KIAA1328: variants seen among roughly 807,000 people sequenced by gnomAD.
KIAA1328 encodes KIAA1328, also known as protein hinderin.
KIAA1328 carries 52 observed loss-of-function variants against 68.1 expected under a neutral mutation model. That is an observed-to-expected ratio of 0.76 (90% CI 0.61 to 0.96). The LOEUF is 0.96. Among genes scored for constraint, KIAA1328 ranks in the 40% least tolerant of loss-of-function variants. The probability of loss-of-function intolerance (pLI) is 0.00; values close to 1 mark genes in which losing one functional copy is unlikely to be tolerated. For synonymous variants in KIAA1328, 232 were observed against 239.4 expected, an observed-to-expected ratio of 0.97 and a Z score of 0.28; for missense variants, 641 against 677.6, an observed-to-expected ratio of 0.95 and a Z score of 0.60.
At chr18:37,159,960 A>C (rs1261489400) in intron 7 of KIAA1328, among the ~76,000 whole-genome samples, 1 of 152,138 alleles carries the variant, frequency 6.6e-6, no homozygotes, top group Non-Finnish European at 1.5e-5. Context: ...ATCAGTTTGA[A>C]TCTTATTTCC....
intron 7 of KIAA1328, among the ~76,000 whole-genome samples, chr18:37,100,244 A>G (rs1018362215): frequency 1.3e-5 from 2 of 152,200 alleles, no homozygotes; most frequent in African/African-American, 4.8e-5. Context: ...CAGGAAGCAC[A>G]AGGGGTCAGG....
chr18:37,093,190 A>G (rs529422497), intron 7 of KIAA1328, among the ~76,000 whole-genome samples: 1 of 152,362 alleles, frequency 6.6e-6, no homozygotes, highest in African/African-American at 2.4e-5. Flanking sequence ...GGAAGAAATG[A>G]CTGTTACACT....
chr18:37,214,561 T>C (rs1180052329), intron 9 of KIAA1328, among the ~76,000 whole-genome samples: 2 of 152,214 alleles, frequency 1.3e-5, no homozygotes, highest in African/African-American at 2.4e-5. Context: ...AGCCTTGTAG[T>C]ATAGTTTGAA....
intron 6 of KIAA1328, among the ~76,000 whole-genome samples, chr18:36,981,984 A>G (rs1033091058): frequency 3.3e-5 from 5 of 150,832 alleles, no homozygotes; most frequent in South Asian, 2.1e-4. Flanking sequence ...AGAAGAAAAA[A>G]TGAGTGAGTT....
intron 5 of KIAA1328, among the ~76,000 whole-genome samples, chr18:36,893,957 C>G (rs2048785870): frequency 6.6e-6 from 1 of 152,106 alleles, no homozygotes; most frequent in Non-Finnish European, 1.5e-5. Context: ...ACTAAGACAT[C>G]TTGCATTTTT....
chr18:37,099,347 A>C (rs1030448904), intron 7 of KIAA1328, among the ~76,000 whole-genome samples: 5 of 152,228 alleles, frequency 3.3e-5, no homozygotes, highest in African/African-American at 1.2e-4. Flanking sequence ...GTAGTCATTC[A>C]GGAGCAGGTT....
chr18:37,064,790 G>A (rs2056287517), intron 6 of KIAA1328, among the ~76,000 whole-genome samples: 1 of 152,076 alleles, frequency 6.6e-6, no homozygotes, highest in Admixed American at 6.6e-5. Flanking sequence ...GATGGAGGAA[G>A]GGCTATAAAA....
At chr18:37,077,300 A>AAT (rs1556874743) in intron 7 of KIAA1328, among the ~76,000 whole-genome samples, 1 of 114,042 alleles carries the variant, frequency 8.8e-6, no homozygotes. Context: ...CATGCTAAAA[A>AAT]CTCAATAAAT....
At chr18:37,110,409 T>C (rs2057898370) in intron 7 of KIAA1328, among the ~76,000 whole-genome samples, 1 of 152,200 alleles carries the variant, frequency 6.6e-6, no homozygotes, top group Admixed American at 6.5e-5. Flanking sequence ...TGCCTGTAAA[T>C]AGTGAAGCTA....
At chr18:37,136,959 A>G (rs779748084) in intron 7 of KIAA1328, among the ~76,000 whole-genome samples, 6 of 152,212 alleles carry the variant, frequency 3.9e-5, no homozygotes, top group Non-Finnish European at 8.8e-5. Flanking sequence ...TAGCTTCATC[A>G]TCATCCTCTT....
chr18:36,948,653 G>A (rs531599076), intron 5 of KIAA1328, among the ~76,000 whole-genome samples: 1 of 150,776 alleles, frequency 6.6e-6, no homozygotes, highest in Non-Finnish European at 1.5e-5. Flanking sequence ...GGGTTCAAGC[G>A]ATTCTCCTGC....
At chr18:37,013,342 A>G (rs530052699) in intron 6 of KIAA1328, among the ~76,000 whole-genome samples, 2 of 152,306 alleles carry the variant, frequency 1.3e-5, no homozygotes, top group East Asian at 1.9e-4. Context: ...AACATAGAAC[A>G]TAGAGCTTTT....
At chr18:37,068,516 C>A (rs1174576442) in intron 7 of KIAA1328, among the ~76,000 whole-genome samples, 5 of 152,180 alleles carry the variant, frequency 3.3e-5, no homozygotes, top group Admixed American at 6.5e-5. Flanking sequence ...TTTACCTCTT[C>A]TAATACGTGT....
At chr18:36,874,963 G>C (rs1484094360) in intron 4 of KIAA1328, among the ~76,000 whole-genome samples, 1 of 151,876 alleles carries the variant, frequency 6.6e-6, no homozygotes, top group Non-Finnish European at 1.5e-5. Flanking sequence ...GTTTCTGTCA[G>C]GTTTGTCAGA....
intron 4 of KIAA1328, among the ~76,000 whole-genome samples, chr18:36,879,280 T>G (rs1048929154): frequency 4.6e-5 from 7 of 152,198 alleles, no homozygotes; most frequent in Non-Finnish European, 8.8e-5. Context: ...GTCAGTCCCC[T>G]CTTCTGCAGG....
chr18:36,978,587 A>G (rs2052563319), intron 6 of KIAA1328, among the ~76,000 whole-genome samples: 2 of 152,150 alleles, frequency 1.3e-5, no homozygotes, highest in African/African-American at 4.8e-5. Flanking sequence ...AACTTTCTTT[A>G]TATCTAGTCT....
intron 9 of KIAA1328, among the ~76,000 whole-genome samples, chr18:37,207,746 G>A (rs763875391): frequency 6.6e-6 from 1 of 152,174 alleles, no homozygotes; most frequent in Non-Finnish European, 1.5e-5. Flanking sequence ...CCTGGAGCAC[G>A]TGAATGGGTC....
At chr18:37,120,835 G>T (rs1298624259) in intron 7 of KIAA1328, among the ~76,000 whole-genome samples, 1 of 152,164 alleles carries the variant, frequency 6.6e-6, no homozygotes, top group Non-Finnish European at 1.5e-5. Context: ...CACTTTATTA[G>T]AAAGTTTGAA....
At chr18:36,929,229 C>T (rs1034365309) in intron 5 of KIAA1328, among the ~76,000 whole-genome samples, 3 of 152,144 alleles carry the variant, frequency 2.0e-5, no homozygotes, top group Admixed American at 2.0e-4. Context: ...TTTCCACCCT[C>T]CCTGTACCCC....
Sources: gnomAD v4.1 joint callset for allele counts (sites outside exome capture counted in the v4.1 genomes callset) on GRCh38, gnomAD v4.1.1 for gene constraint, MANE v1.5 for transcripts, NCBI Gene and HGNC (gene_info 2026-07-23, HGNC 2026-07-21) for gene names.